The following CADM2 variants were observed in gnomAD, a reference collection of about 807,000 sequenced individuals.
CADM2 encodes the protein cell adhesion molecule 2.
A neutral mutation model predicts 49.8 loss-of-function variants in CADM2; 12 were observed. The ratio of observed to expected loss-of-function variants is 0.24; its 90% CI spans 0.15 to 0.39. The LOEUF (loss-of-function observed/expected upper bound fraction) is 0.39, where lower values mean the gene tolerates loss of function less well. CADM2 is among the 10% of genes least tolerant of loss of function. The probability of loss-of-function intolerance (pLI) is 1.00; values close to 1 mark genes in which losing one functional copy is unlikely to be tolerated. For synonymous variants in CADM2, 214 were observed against 175.4 expected (o/e 1.22, Z -1.74); for missense variants, 378 against 492.3 (o/e 0.77, Z 2.20).
At chr3:85,399,798 T>C (rs956017017) in intron 1 of CADM2, among the ~76,000 whole-genome samples, 7 of 152,192 alleles carry the variant, frequency 4.6e-5, no homozygotes, top group Non-Finnish European at 8.8e-5. Flanking sequence ...AGAATGCTTG[T>C]GATTTTTGCA....
chr3:85,533,454 G>T (rs2061363613), intron 1 of CADM2, among the ~76,000 whole-genome samples: 1 of 152,120 alleles, frequency 6.6e-6, no homozygotes, highest in Non-Finnish European at 1.5e-5. Flanking sequence ...GGAGGCAAAA[G>T]TCTGTGTGTA....
At chr3:85,618,912 G>A (rs1472451377) in intron 1 of CADM2, among the ~76,000 whole-genome samples, 1 of 151,830 alleles carries the variant, frequency 6.6e-6, no homozygotes, top group African/African-American at 2.4e-5. Flanking sequence ...ATAGTTGTGG[G>A]TGCGTGTAAT....
At chr3:85,266,996 A>G (rs1650712548) in intron 1 of CADM2, among the ~76,000 whole-genome samples, 1 of 151,910 alleles carries the variant, frequency 6.6e-6, no homozygotes, top group South Asian at 2.1e-4. Context: ...GGGATTTAAT[A>G]TTATAACCTA....
At chr3:85,594,229 T>C (rs1057165433) in intron 1 of CADM2, among the ~76,000 whole-genome samples, 1 of 151,878 alleles carries the variant, frequency 6.6e-6, no homozygotes, top group South Asian at 2.1e-4. Context: ...TTAAAGATAC[T>C]ACATTTGCCT....
chr3:85,666,562 C>G (rs1299709548), intron 1 of CADM2, among the ~76,000 whole-genome samples: 3 of 151,820 alleles, frequency 2.0e-5, no homozygotes, highest in Admixed American at 6.6e-5. Flanking sequence ...AAATGAAGAC[C>G]TCCCCAAACC....
At chr3:85,586,394 CTT>C (rs1345737301) in intron 1 of CADM2, among the ~76,000 whole-genome samples, 4 of 152,070 alleles carry the variant, frequency 2.6e-5, no homozygotes, top group Non-Finnish European at 5.9e-5. Context: ...CACAGATTTT[CTT>C]TGCAAACTCT....
chr3:85,933,939 T>C (rs1720900277), intron 6 of CADM2, among the ~76,000 whole-genome samples: 1 of 152,118 alleles, frequency 6.6e-6, no homozygotes, highest in African/African-American at 2.4e-5. Context: ...TGCCATCTGC[T>C]CTACTCAGTC....
chr3:85,812,314 G>T (rs1416743221), intron 3 of CADM2, among the ~76,000 whole-genome samples: 1 of 151,954 alleles, frequency 6.6e-6, no homozygotes, highest in Non-Finnish European at 1.5e-5. Flanking sequence ...AAATATTCAT[G>T]ACTGAAAACA....
Position 85,808,353 on chromosome 3 carries a change from G to A in CADM2, c.238+6157G>A, listed in dbSNP as rs368292014. On this transcript the variant is annotated intron_variant, in intron 3 of 9. Transcript: ENST00000383699. ...CACCTCTGTTATAAATAGTTGATAA[G>A]CATTTGGAATAGAGTGGGTATAGGG... Among the ~76,000 whole-genome samples the A allele has an allele frequency of 9.2e-5, 14 of 152,172 alleles. No individual in the cohort carries two copies. In the South Asian group the frequency reaches 2.5e-3, roughly 27 times the overall value.
intron 8 of CADM2, among the ~76,000 whole-genome samples, chr3:86,047,861 G>A (rs1206720440): frequency 6.6e-6 from 1 of 152,144 alleles, no homozygotes; most frequent in Non-Finnish European, 1.5e-5. Flanking sequence ...CTTAGCAGAT[G>A]TTAGTATACA....
At chr3:85,695,926 T>A (rs2066539672) in intron 1 of CADM2, among the ~76,000 whole-genome samples, 1 of 152,146 alleles carries the variant, frequency 6.6e-6, no homozygotes, top group Non-Finnish European at 1.5e-5. Flanking sequence ...CAATTTTTTT[T>A]CTTTTTAGTA....
intron 8 of CADM2, among the ~76,000 whole-genome samples, chr3:85,999,750 A>G (rs1414586778): frequency 1.3e-5 from 2 of 152,196 alleles, no homozygotes; most frequent in East Asian, 3.9e-4. Context: ...TAGAAAAATC[A>G]GTTTTAATGA....
chr3:85,184,576 G>A (rs941165719), intron 1 of CADM2, among the ~76,000 whole-genome samples: 17 of 151,904 alleles, frequency 1.1e-4, no homozygotes, highest in Admixed American at 1.3e-4. Context: ...TCTTTCCTTA[G>A]GAAAATATAT....
At chr3:85,026,572 G>T (rs750783102) in intron 1 of CADM2, among the ~76,000 whole-genome samples, 1 of 152,024 alleles carries the variant, frequency 6.6e-6, no homozygotes. Flanking sequence ...TTATGCCTAT[G>T]CTACCAATAC....
intron 1 of CADM2, among the ~76,000 whole-genome samples, chr3:85,557,339 A>G (rs1267335063): frequency 2.0e-5 from 3 of 151,974 alleles, no homozygotes; most frequent in African/African-American, 7.2e-5. Flanking sequence ...GAAATTAGAG[A>G]ACAAAGTAAG....
At chr3:86,050,105 A>T (rs1488657247) in intron 8 of CADM2, among the ~76,000 whole-genome samples, 1 of 152,170 alleles carries the variant, frequency 6.6e-6, no homozygotes, top group Non-Finnish European at 1.5e-5. Context: ...CAAGTTTGTT[A>T]CTCTCAAGAT....
intron 1 of CADM2, among the ~76,000 whole-genome samples, chr3:85,203,206 GC>G (rs1237620840): frequency 1.3e-5 from 2 of 152,158 alleles, no homozygotes; most frequent in Non-Finnish European, 2.9e-5. Flanking sequence ...TCAGCTTTCA[GC>G]CTAACTCGGC....
At chr3:85,725,922 A>G (rs567795111) in intron 1 of CADM2, among the ~76,000 whole-genome samples, 1 of 152,164 alleles carries the variant, frequency 6.6e-6, no homozygotes, top group African/African-American at 2.4e-5. Context: ...CTGGAGTCAG[A>G]TACACCTAGA....
chr3:85,912,679 C>A, intron 6 of CADM2, 136 bp downstream of exon 6: 1 of 770,640 alleles, frequency 1.3e-6, no homozygotes, highest in Non-Finnish European at 2.1e-6. Flanking sequence ...AAACTACATT[C>A]ACTAGTATTA....
Sources: allele counts gnomAD v4.1 joint callset (sites outside exome capture counted in the v4.1 genomes callset), GRCh38; gene constraint gnomAD v4.1.1; transcripts MANE v1.5; gene names NCBI Gene and HGNC (gene_info 2026-07-23, HGNC 2026-07-21).